CNBD1: variants seen among roughly 807,000 people sequenced by gnomAD.
CNBD1 encodes the protein cyclic nucleotide-binding domain-containing protein 1.
CNBD1 carries 71 observed loss-of-function variants against 54.4 expected under a neutral mutation model. That is an observed-to-expected ratio of 1.30 (90% CI 1.08 to 1.59). The LOEUF (loss-of-function observed/expected upper bound fraction) is 1.59, where lower values mean the gene tolerates loss of function less well. CNBD1 is among the 40% of genes most tolerant of loss of function. The pLI, the probability that CNBD1 is intolerant of heterozygous loss-of-function variation, is 0.00. For missense variants in CNBD1, 659 were observed against 518.0 expected (o/e 1.27, Z -2.64); for synonymous variants, 182 against 170.7 (o/e 1.07, Z -0.51).
chr8:87,014,377 G>A (rs1376518694), intron 4 of CNBD1, among the ~76,000 whole-genome samples: 1 of 151,498 alleles, frequency 6.6e-6, no homozygotes, highest in Non-Finnish European at 1.5e-5. Flanking sequence ...CCCAGCCCAA[G>A]ACAGAATGAT....
chr8:86,940,443 G>C (rs893492882), intron 4 of CNBD1, among the ~76,000 whole-genome samples: 4 of 152,112 alleles, frequency 2.6e-5, no homozygotes, highest in African/African-American at 4.8e-5. Flanking sequence ...TGGGATTACA[G>C]GTGTGAGCTT....
chr8:87,350,466 G>A (rs915160418), intron 8 of CNBD1, among the ~76,000 whole-genome samples: 7 of 151,756 alleles, frequency 4.6e-5, no homozygotes, highest in Non-Finnish European at 1.0e-4. Context: ...GTATGTTGAT[G>A]TTTATTTTTT....
intron 4 of CNBD1, among the ~76,000 whole-genome samples, chr8:86,982,839 G>C (rs1808518534): frequency 6.6e-6 from 1 of 152,150 alleles, no homozygotes; most frequent in Non-Finnish European, 1.5e-5. Flanking sequence ...CTGAGGTTTT[G>C]ATTGGGATTA....
chr8:86,866,890 T>C lies in CNBD1; in HGVS notation c.88+307T>C, dbSNP rs1330258926. Among the ~76,000 whole-genome samples the C allele has an allele frequency of 2.6e-5, 4 of 152,336 alleles. No homozygotes were observed. In the East Asian group the frequency reaches 7.7e-4, roughly 29 times the overall value. On this transcript the variant is annotated intron_variant, in intron 1 of 10. Transcript: ENST00000518476. The stretch of plus-strand genomic sequence containing the variant: ...ACAAAGATTTAGAGAGGCCACATGT[T>C]CCACCAGCTATCAGGTTCCTTTTTC...
chr8:86,887,991 A>C (rs1361679429), intron 2 of CNBD1, among the ~76,000 whole-genome samples: 2 of 152,188 alleles, frequency 1.3e-5, no homozygotes, highest in Non-Finnish European at 2.9e-5. Flanking sequence ...AGGAAATATC[A>C]CTGTTCAAAG....
At chr8:86,903,856 A>T (rs1345772849) in intron 2 of CNBD1, among the ~76,000 whole-genome samples, 1 of 84,114 alleles carries the variant, frequency 1.2e-5, no homozygotes, top group Non-Finnish European at 2.2e-5. Flanking sequence ...AATGTGAGTT[A>T]CAAACAGAAT....
intron 4 of CNBD1, among the ~76,000 whole-genome samples, chr8:87,099,915 G>T (rs73281271): frequency 0.025 from 3,784 of 152,232 alleles, 162 homozygotes; most frequent in African/African-American, 0.084. Context: ...TTCTGTGTCC[G>T]TATGCTTGTG....
intron 4 of CNBD1, among the ~76,000 whole-genome samples, chr8:86,951,092 T>A (rs1168806787): frequency 4.6e-5 from 7 of 152,154 alleles, no homozygotes; most frequent in Admixed American, 1.3e-4. Context: ...ATTTAATAAC[T>A]TTACAGTAAA....
At chr8:86,913,923 C>T (rs1159744497) in intron 3 of CNBD1, among the ~76,000 whole-genome samples, 1 of 152,058 alleles carries the variant, frequency 6.6e-6, no homozygotes, top group Admixed American at 6.5e-5. Flanking sequence ...ATTCTTTTCC[C>T]AGGGTTGTTA....
chr8:87,268,475 G>A (rs75042768), intron 6 of CNBD1, among the ~76,000 whole-genome samples: 11,702 of 151,992 alleles, frequency 0.077, 650 homozygotes, highest in Non-Finnish European at 0.12. Context: ...CCCAGTAGTG[G>A]GATGGTTGGG....
At chr8:86,869,195 G>C (rs1808406643) in intron 1 of CNBD1, among the ~76,000 whole-genome samples, 1 of 152,130 alleles carries the variant, frequency 6.6e-6, no homozygotes, top group East Asian at 1.9e-4. Flanking sequence ...AGCCACTAAG[G>C]CAGTGGCAAT....
intron 1 of CNBD1, among the ~76,000 whole-genome samples, chr8:86,876,106 A>G (rs944633113): frequency 2.6e-5 from 4 of 152,084 alleles, no homozygotes; most frequent in Middle Eastern, 3.2e-3. Flanking sequence ...TTTAACAAGC[A>G]TATGTATTGT....
chr8:87,001,561 C>G (rs1221801475), intron 4 of CNBD1, among the ~76,000 whole-genome samples: 1 of 152,112 alleles, frequency 6.6e-6, no homozygotes, highest in Non-Finnish European at 1.5e-5. Flanking sequence ...TTCTAATGAG[C>G]TAAAGTTGAA....
chr8:86,879,505 G>T (rs1478624989), intron 1 of CNBD1, among the ~76,000 whole-genome samples: 1 of 152,152 alleles, frequency 6.6e-6, no homozygotes, highest in East Asian at 1.9e-4. Context: ...GTTGAGTAAT[G>T]ATCCAAAGAG....
rs1586074565 is a variant in CNBD1, at chr8:87,391,651, A to G, written c.214-36895A>G. On this transcript the variant is annotated intron_variant, in intron 2 of 7. Transcript: ENST00000521593. ...GGATAATGGGATAATAGAAGACTGA[A>G]GTTGGATCCACACTTTGCACAAAAA... Among the ~76,000 whole-genome samples, 3 of 152,154 alleles carry G rather than the reference A, an allele frequency of 2.0e-5. No individual in the cohort carries two copies. In the East Asian group the frequency reaches 5.8e-4, roughly 29 times the overall value.
chr8:87,117,821 A>G (rs751212844), intron 4 of CNBD1, among the ~76,000 whole-genome samples: 3 of 152,154 alleles, frequency 2.0e-5, no homozygotes, highest in Non-Finnish European at 4.4e-5. Context: ...TACTTAATTC[A>G]TTTGAAGTGT....
intron 6 of CNBD1, among the ~76,000 whole-genome samples, chr8:87,259,125 G>A (rs992668113): frequency 6.6e-5 from 10 of 151,934 alleles, no homozygotes; most frequent in African/African-American, 2.2e-4. Flanking sequence ...TTCACTTTTG[G>A]TGCATAAATT....
At chr8:86,948,713 C>G (rs924866226) in intron 4 of CNBD1, among the ~76,000 whole-genome samples, 1 of 152,148 alleles carries the variant, frequency 6.6e-6, no homozygotes, top group Non-Finnish European at 1.5e-5. Context: ...TGTTGATTGT[C>G]TCTTCACTTT....
intron 5 of CNBD1, among the ~76,000 whole-genome samples, chr8:87,228,526 G>T (rs972614455): frequency 2.7e-5 from 4 of 150,038 alleles, no homozygotes; most frequent in Non-Finnish European, 4.4e-5. Flanking sequence ...TGCCCCTGCT[G>T]GGGGGTGCCT....
Sources: allele counts gnomAD v4.1 joint callset (sites outside exome capture counted in the v4.1 genomes callset), GRCh38; gene constraint gnomAD v4.1.1; transcripts MANE v1.5; gene names NCBI Gene and HGNC (gene_info 2026-07-23, HGNC 2026-07-21).